Variants in COX7A2L observed in about 807,000 individuals in gnomAD.
COX7A2L encodes cytochrome c oxidase subunit 7A2-like, mitochondrial.
COX7A2L carries 18 observed loss-of-function variants against 14.2 expected under a neutral mutation model. The observed-to-expected ratio is 1.27, with a 90% CI of 0.88 to 1.88. The LOEUF is 1.88. Among genes scored for constraint, COX7A2L ranks in the 40% most tolerant of loss-of-function variants. The pLI, the probability that COX7A2L is intolerant of heterozygous loss-of-function variation, is 0.00. For synonymous variants in COX7A2L, 65 were observed against 57.4 expected (o/e 1.13, Z -0.60); for missense variants, 179 against 138.8 (o/e 1.29, Z -1.46).
intron 2 of COX7A2L, among the ~76,000 whole-genome samples, chr2:42,335,943 T>C (rs1453095392): frequency 1.3e-5 from 2 of 152,210 alleles, no homozygotes; most frequent in Non-Finnish European, 2.9e-5. Flanking sequence ...GCTAGGCTGG[T>C]TCACTGTGGC....
At chr2:42,361,595 T>C (rs953554394), upstream of COX7A2L, 1 of 160,852 alleles carries the variant, frequency 6.2e-6, no homozygotes, top group Non-Finnish European at 1.4e-5. Flanking sequence ...GGGCGGTGAT[T>C]GGTGGGCGTG....
At chr2:42,337,962 T>G (rs1208394008) in intron 2 of COX7A2L, among the ~76,000 whole-genome samples, 2 of 152,152 alleles carry the variant, frequency 1.3e-5, no homozygotes, top group East Asian at 1.9e-4. Flanking sequence ...TGGGTCCCTG[T>G]GGGAGAACCC....
chr2:42,358,259 G>A (rs1218928202), intron 1 of COX7A2L, among the ~76,000 whole-genome samples: 1 of 152,198 alleles, frequency 6.6e-6, no homozygotes, highest in Non-Finnish European at 1.5e-5. Flanking sequence ...ATCTTCATGT[G>A]CTTATTGGCC....
chr2:42,361,201 G>T lies in COX7A2L; in HGVS notation c.-40C>A. ...GGCTTCCCGCATCCGCTGCCAACGCGACCGCCCCAGAGAAGGACCCCGCCT... is the reference window on the plus strand; with the variant it reads ...GGCTTCCCGCATCCGCTGCCAACGCTACCGCCCCAGAGAAGGACCCCGCCT... On this transcript the variant is annotated 5_prime_UTR_variant, in exon 1 of 3. Coordinates refer to ENST00000234301, the MANE Select transcript of COX7A2L (RefSeq NM_004718.4). 1 of 1,559,598 alleles carries T rather than the reference G, an allele frequency of 6.4e-7. No individual in the cohort carries two copies. The highest frequency in any genetic ancestry group is 8.7e-7 in the Non-Finnish European group (1 of 1,146,324).
chr2:42,353,068 T>C (rs1670697067), intron 2 of COX7A2L, 144 bp downstream of exon 2: 3 of 999,530 alleles, frequency 3.0e-6, no homozygotes, highest in African/African-American at 1.6e-5. Context: ...TATTCGTTTA[T>C]GGCTCAAACT....
At chr2:42,361,588 C>A (rs991740073), upstream of COX7A2L, 1 of 160,324 alleles carries the variant, frequency 6.2e-6, no homozygotes, top group Non-Finnish European at 1.4e-5. Context: ...GGGGAGAGGG[C>A]GGTGATTGGT....
At chr2:42,344,696 C>T (rs534498613), downstream of COX7A2L, among the ~76,000 whole-genome samples, 2 of 152,064 alleles carry the variant, frequency 1.3e-5, no homozygotes, top group South Asian at 2.1e-4. Flanking sequence ...ACTAAAAATA[C>T]GAAAAATTAG....
At position 42,360,847 on chromosome 2, in the gene COX7A2L, C is replaced by T. The variant is rs567570707; in HGVS notation, c.72+243G>A. The stretch of plus-strand genomic sequence containing the variant: ...CAAGTGACCCCGGGGGTCACCTTGA[C>T]CCCTGCAGTGAGCCAGACCAAACTT... On this transcript the variant is annotated intron_variant, in intron 1 of 2. Transcript: ENST00000234301. 8.3e-5 allele frequency: 47 copies of T among 565,814 alleles called. 1 individual carries two copies. In the South Asian group the frequency reaches 8.6e-4, roughly 10 times the overall value. 35.0% of individuals were successfully genotyped at this position (565,814 alleles called of 1,614,324 possible).
upstream of COX7A2L, among the ~76,000 whole-genome samples, chr2:42,363,576 G>A (rs1227815100): frequency 6.6e-6 from 1 of 152,226 alleles, no homozygotes; most frequent in Admixed American, 6.5e-5. Context: ...AGGCTGTTCA[G>A]TGGGAGATAA....
upstream of COX7A2L, among the ~76,000 whole-genome samples, chr2:42,364,368 G>C (rs1041054846): frequency 6.6e-5 from 10 of 152,060 alleles, no homozygotes; most frequent in African/African-American, 2.4e-4. Flanking sequence ...CCCATTCTAC[G>C]GTAGTTTCCC....
chr2:42,368,016 C>G (rs1187314177), intron 1 of COX7A2L, among the ~76,000 whole-genome samples: 1 of 152,154 alleles, frequency 6.6e-6, no homozygotes, highest in South Asian at 2.1e-4. Context: ...TGTTTTCTCC[C>G]CCTGGGAAGA....
chr2:42,360,405 G>A (rs190546156), intron 1 of COX7A2L, among the ~76,000 whole-genome samples: 3 of 152,244 alleles, frequency 2.0e-5, no homozygotes, highest in African/African-American at 7.2e-5. Context: ...CACGTCTGGG[G>A]CTCTAAAATC....
In COX7A2L at chr2:42,361,152, T is replaced by G. The variant is rs752340777; in HGVS notation, c.10A>C (p.Lys4Gln). The change falls in exon 1 of 3, where the codon AAG becomes CAG. Residue 4 changes from lysine (K) to glutamine (Q), a missense_variant. Coordinates refer to ENST00000234301, the MANE Select transcript of COX7A2L (RefSeq NM_004718.4). MYY[K>Q]FSGFTQKLAG... ...AACTTCTGCGTGAAGCCACTAAACT[T>G]GTAGTACATGACGCCCAGAGTCCGG... is the stretch of plus-strand genomic sequence containing the variant. The G allele has an allele frequency of 1.9e-5, 31 of 1,612,968 alleles. No individual in the cohort carries two copies. In the African/African-American group the frequency reaches 4.1e-4, roughly 22 times the overall value.
rs1572780028 is a variant in COX7A2L at position 42,336,237 on chromosome 2, G to A, written c.193-2368C>T. On this transcript the variant is annotated intron_variant, in intron 2 of 2. Coordinates refer to the COX7A2L transcript ENST00000468711. ...CTCAGCCATAGAATTTTGATCTTCC[G>A]TCCCTTCTCCCTGTTAGCAATATAA... Among the ~76,000 whole-genome samples the A allele has an allele frequency of 2.6e-5, 4 of 152,266 alleles. No individual in the cohort carries two copies. In the South Asian group the frequency reaches 8.3e-4, roughly 32 times the overall value.
chr2:42,351,256 A>C lies in COX7A2L; in HGVS notation c.308T>G (p.Ile103Ser), dbSNP rs747252178. 8.1e-6 allele frequency: 13 copies of C among 1,614,168 alleles called. No individual in the cohort carries two copies. Among genetic ancestry groups the C allele is most frequent in the Non-Finnish European group, 1.1e-5 (13 of 1,180,026 alleles). The stretch of plus-strand genomic sequence containing the variant: ...GGGCTGCGAAGCCATGTAGAGGGCG[A>C]TCAGGCAGTAGATGGTCCCTCCCAC... ...LTVGGTIYCL[I>S]ALYMASQPKN... The change falls in exon 3 of 3, where the codon ATC becomes AGC. Residue 103 changes from isoleucine to serine, a missense_variant. Transcript: ENST00000234301.
At chr2:42,344,752 G>C (rs1206243395), downstream of COX7A2L, among the ~76,000 whole-genome samples, 29 of 152,018 alleles carry the variant, frequency 1.9e-4, no homozygotes, top group Admixed American at 1.9e-3. Flanking sequence ...TCAGGAGCCT[G>C]AGGCAGGAGA....
rs1004063218 is a variant in COX7A2L, at chr2:42,350,475, G to A, written c.*744C>T. The A allele has an allele frequency of 7.9e-5, 12 of 152,130 alleles. No homozygotes were observed. Among genetic ancestry groups the A allele is most frequent in the African/African-American group, 2.7e-4 (11 of 41,426 alleles). The allele number at this position is 152,130 out of a possible 1,614,324, so 9.4% of individuals were successfully genotyped here. ...TGGTGTTCTGAAATTACTCTGAAAG[G>A]TCATTCAAAGAACTTCAAACTTAAA... On this transcript the variant is annotated 3_prime_UTR_variant, in exon 3 of 3. Coordinates refer to ENST00000234301, the MANE Select transcript of COX7A2L (RefSeq NM_004718.4).
chr2:42,358,063 G>A (rs1409616426), intron 1 of COX7A2L, among the ~76,000 whole-genome samples: 1 of 152,078 alleles, frequency 6.6e-6, no homozygotes, highest in African/African-American at 2.4e-5. Context: ...TTAACAAACT[G>A]CCAAACTGTT....
downstream of COX7A2L, among the ~76,000 whole-genome samples, chr2:42,344,656 T>A (rs899441347): frequency 2.0e-5 from 3 of 151,892 alleles, no homozygotes; most frequent in South Asian, 4.2e-4. Context: ...ATGGAGACCA[T>A]CCTGGCTAAG....
Sources: allele counts gnomAD v4.1 joint callset (sites outside exome capture counted in the v4.1 genomes callset), GRCh38; gene constraint gnomAD v4.1.1; transcripts MANE v1.5; gene names NCBI Gene and HGNC (gene_info 2026-07-23, HGNC 2026-07-21).